KCNH7: variants seen among roughly 807,000 people sequenced by gnomAD.
The protein encoded by KCNH7 is potassium voltage-gated channel subfamily H member 7, also known as voltage-gated inwardly rectifying potassium channel KCNH7.
Under a neutral mutation model 120.8 loss-of-function variants are expected in KCNH7, and 49 were observed. The observed-to-expected ratio is 0.41, with a 90% confidence interval of 0.32 to 0.51. The LOEUF (loss-of-function observed/expected upper bound fraction) is 0.51. Among genes scored for constraint, KCNH7 ranks in the 20% least tolerant of loss-of-function variants. The probability of loss-of-function intolerance (pLI) is 0.38; values close to 1 mark genes in which losing one functional copy is unlikely to be tolerated. For missense variants in KCNH7, 1,097 were observed against 1,446.6 expected, an observed-to-expected ratio of 0.76 and a Z score of 3.92; for synonymous variants, 547 against 516.1, an observed-to-expected ratio of 1.06 and a Z score of -0.81.
At chr2:162,640,854 T>G (rs954131238) in intron 2 of KCNH7, among the ~76,000 whole-genome samples, 23 of 152,136 alleles carry the variant, frequency 1.5e-4, no homozygotes, top group African/African-American at 5.3e-4. Flanking sequence ...ACAACCCAAC[T>G]AGAAAATAGA....
At chr2:162,418,280 A>G (rs1289213214) in intron 9 of KCNH7, among the ~76,000 whole-genome samples, 1 of 152,092 alleles carries the variant, frequency 6.6e-6, no homozygotes, top group Non-Finnish European at 1.5e-5. Context: ...CCCCTTTTAA[A>G]TGCATGGAGG....
rs139235792 is a variant in KCNH7, at chr2:162,838,284, G to C, written c.76+159C>G. ...ATGTAAATCAAAATTAATATCAGAA[G>C]AACACTCCCGCTGCCATTCGAACCT... On this transcript the variant is annotated intron_variant, in intron 1 of 15. Coordinates refer to ENST00000332142, the MANE Select transcript of KCNH7 (RefSeq NM_033272.4). 1.6e-3 allele frequency among the ~76,000 whole-genome samples: 249 copies of C among 152,224 alleles called. 1 individual carries two copies. Among genetic ancestry groups the C allele is most frequent in the African/African-American group, 5.8e-3 (240 of 41,506 alleles).
chr2:162,400,507 A>C, intron 9 of KCNH7, 66 bp from the exon 10 acceptor site: 1 of 1,530,752 alleles, frequency 6.5e-7, no homozygotes, highest in Non-Finnish European at 9.0e-7. Flanking sequence ...AAATACAGTC[A>C]ATTTCTTGCT....
At chr2:162,777,518 A>C (rs757883620) in intron 2 of KCNH7, among the ~76,000 whole-genome samples, 7 of 152,136 alleles carry the variant, frequency 4.6e-5, no homozygotes. Context: ...TATGGTAGTA[A>C]AAGTGTAAGA....
At chr2:162,507,667 T>C (rs1461585788) in intron 5 of KCNH7, among the ~76,000 whole-genome samples, 1 of 151,628 alleles carries the variant, frequency 6.6e-6, no homozygotes, top group Non-Finnish European at 1.5e-5. Context: ...AATTCACTAC[T>C]ATTGCATTAT....
At chr2:162,669,091 T>TATA (rs1444838299) in intron 2 of KCNH7, among the ~76,000 whole-genome samples, 1 of 152,110 alleles carries the variant, frequency 6.6e-6, no homozygotes, top group African/African-American at 2.4e-5. Context: ...AGTGAGAAGT[T>TATA]ATATGTTCAG....
intron 2 of KCNH7, among the ~76,000 whole-genome samples, chr2:162,683,749 T>C (rs968767731): frequency 6.6e-6 from 1 of 151,904 alleles, no homozygotes; most frequent in African/African-American, 2.4e-5. Flanking sequence ...ACAATCAATA[T>C]AAAAAGATAT....
At chr2:162,643,826 A>G (rs13392602) in intron 2 of KCNH7, among the ~76,000 whole-genome samples, 25,360 of 114,018 alleles carry the variant, frequency 0.22, 2,700 homozygotes, top group Middle Eastern at 0.33. Flanking sequence ...AAAAAAAAAA[A>G]AAGAAGAAAA....
intron 14 of KCNH7, 127 bp downstream of exon 14, chr2:162,379,726 T>G: frequency 2.2e-6 from 2 of 899,824 alleles, no homozygotes; most frequent in Non-Finnish European, 3.4e-6. Context: ...TAGTCTTATT[T>G]TAAATAAGTA....
At chr2:162,506,714 C>G (rs58673128) in intron 5 of KCNH7, among the ~76,000 whole-genome samples, 1 of 151,612 alleles carries the variant, frequency 6.6e-6, no homozygotes, top group Admixed American at 6.6e-5. Flanking sequence ...ATGTCATCAC[C>G]GATTCTACAA....
At chr2:162,543,888 C>T (rs1326982425) in intron 2 of KCNH7, among the ~76,000 whole-genome samples, 1 of 152,160 alleles carries the variant, frequency 6.6e-6, no homozygotes, top group African/African-American at 2.4e-5. Context: ...GTATTATCAA[C>T]TTGAATGATA....
At chr2:162,670,899 C>CTAAG in intron 2 of KCNH7, among the ~76,000 whole-genome samples, 1 of 151,332 alleles carries the variant, frequency 6.6e-6, no homozygotes, top group Non-Finnish European at 1.5e-5. Context: ...AGTGAAAATA[C>CTAAG]AAGTTAAAGT....
chr2:162,705,971 CT>C (rs1313519390), intron 2 of KCNH7, among the ~76,000 whole-genome samples: 10 of 152,246 alleles, frequency 6.6e-5, no homozygotes, highest in African/African-American at 2.4e-4. Flanking sequence ...CACAAATGTA[CT>C]TGATTTAAAA....
At chr2:162,665,126 C>T (rs1002718818) in intron 2 of KCNH7, among the ~76,000 whole-genome samples, 4 of 152,030 alleles carry the variant, frequency 2.6e-5, no homozygotes. Context: ...GGATTTTGCT[C>T]ACAATTTTGA....
chr2:162,371,978 T>A lies in KCNH7; in HGVS notation c.3442A>T (p.Ser1148Cys). 1 of 1,613,874 alleles carries A rather than the reference T, an allele frequency of 6.2e-7. No individual in the cohort carries two copies. The highest frequency in any genetic ancestry group is 1.7e-4 in the Middle Eastern group (1 of 6,060). Residue 1148 changes from serine (S) to cysteine (C), a missense_variant, in exon 16 of 16, where the codon AGT becomes TGT. Ser to Cys is a moderately radical substitution (Grantham distance 112). This residue lies in a region of KCNH7 where 406 missense variants were observed against 410.5 expected (regional missense o/e 0.99). Coordinates refer to ENST00000332142, the MANE Select transcript of KCNH7 (RefSeq NM_033272.4). Reference protein sequence around the residue: ...DNLTSLLKQDSDLSLELHLRQ... With the variant: ...DNLTSLLKQDCDLSLELHLRQ... ...AGGTGAAGCTCTAAAGAGAGATCAC[T>A]GTCTTGTTTTAAAAGTGAAGTCAAG...
At chr2:162,664,843 GT>G (rs1685081734) in intron 2 of KCNH7, among the ~76,000 whole-genome samples, 1 of 152,076 alleles carries the variant, frequency 6.6e-6, no homozygotes, top group African/African-American at 2.4e-5. Flanking sequence ...TCAGCATTAA[GT>G]TCCCCAAGTG....
intron 2 of KCNH7, among the ~76,000 whole-genome samples, chr2:162,734,534 A>G (rs1687834322): frequency 6.6e-6 from 1 of 152,102 alleles, no homozygotes; most frequent in Non-Finnish European, 1.5e-5. Flanking sequence ...TTGAAACATT[A>G]TGCTGTTTTT....
chr2:162,618,640 T>C (rs1683232209), intron 2 of KCNH7, among the ~76,000 whole-genome samples: 1 of 152,180 alleles, frequency 6.6e-6, no homozygotes, highest in Non-Finnish European at 1.5e-5. Context: ...TTGTGTCTTA[T>C]TTTTCATTAC....
At chr2:162,412,554 AC>A (rs1327661650) in intron 9 of KCNH7, among the ~76,000 whole-genome samples, 1 of 152,170 alleles carries the variant, frequency 6.6e-6, no homozygotes, top group Non-Finnish European at 1.5e-5. Context: ...ATGGCCAGCT[AC>A]TGACAAACAT....
Sources: gnomAD v4.1 joint callset for allele counts (sites outside exome capture counted in the v4.1 genomes callset) on GRCh38, gnomAD v4.1.1 for gene constraint, gnomAD v4.1.1 regional missense constraint, MANE v1.5 for transcripts, NCBI Gene and HGNC (gene_info 2026-07-23, HGNC 2026-07-21) for gene names.